The following WDR70 variants were observed in gnomAD, a reference collection of about 807,000 sequenced individuals.
WDR70 encodes the protein WD repeat domain 70, also known as WD repeat-containing protein 70.
In WDR70, 53 loss-of-function variants were observed where a neutral mutation model predicts 88.6. That is an observed-to-expected ratio of 0.60 (90% CI 0.48 to 0.75). The LOEUF (loss-of-function observed/expected upper bound fraction) is 0.75, where lower values mean the gene tolerates loss of function less well. WDR70 is among the 30% of genes least tolerant of loss of function. WDR70 has a pLI of 0.00. For missense variants in WDR70, 610 were observed against 823.2 expected, an observed-to-expected ratio of 0.74 and a Z score of 3.17; for synonymous variants, 280 against 270.0, an observed-to-expected ratio of 1.04 and a Z score of -0.36.
At chr5:37,475,296 C>T (rs1012744773) in intron 7 of WDR70, among the ~76,000 whole-genome samples, 9 of 151,882 alleles carry the variant, frequency 5.9e-5, no homozygotes, top group South Asian at 2.1e-4. Flanking sequence ...AGTGCAATGG[C>T]GCAATCTGGC....
intron 8 of WDR70, among the ~76,000 whole-genome samples, chr5:37,487,798 G>A (rs1739935339): frequency 6.6e-6 from 1 of 151,348 alleles, no homozygotes; most frequent in East Asian, 1.9e-4. Context: ...GCTAATTTTT[G>A]TATTTTTAGT....
chr5:37,675,009 T>C (rs1488821086), intron 10 of WDR70, among the ~76,000 whole-genome samples: 1 of 151,442 alleles, frequency 6.6e-6, no homozygotes, highest in Non-Finnish European at 1.5e-5. Flanking sequence ...TTTCATGTGT[T>C]TTTTGGCTGC....
intron 9 of WDR70, among the ~76,000 whole-genome samples, chr5:37,582,300 T>G (rs2112428146): frequency 6.6e-6 from 1 of 152,308 alleles, no homozygotes; most frequent in South Asian, 2.1e-4. Context: ...AGCAAGCCTT[T>G]TAATATTTCA....
At chr5:37,502,320 G>T (rs751941812) in intron 8 of WDR70, among the ~76,000 whole-genome samples, 4 of 152,114 alleles carry the variant, frequency 2.6e-5, no homozygotes, top group Non-Finnish European at 5.9e-5. Context: ...ATGATGAATA[G>T]AAGTGTGGTA....
At chr5:37,443,134 A>G in intron 6 of WDR70, 105 bp from the exon 7 acceptor site, 1 of 1,280,066 alleles carries the variant, frequency 7.8e-7, no homozygotes, top group South Asian at 1.6e-5. Flanking sequence ...TTGTACTTCC[A>G]AGTCCTATAA....
chr5:37,435,174 G>A (rs1278716121), intron 5 of WDR70, among the ~76,000 whole-genome samples: 1 of 152,098 alleles, frequency 6.6e-6, no homozygotes, highest in Non-Finnish European at 1.5e-5. Context: ...GTTAGAAATT[G>A]TCTATATATA....
intron 10 of WDR70, among the ~76,000 whole-genome samples, chr5:37,664,271 C>G (rs540377244): frequency 6.6e-6 from 1 of 152,166 alleles, no homozygotes; most frequent in East Asian, 1.9e-4. Flanking sequence ...TTCAAAAAAT[C>G]AACATTACCC....
At chr5:37,661,033 A>T (rs1381356651) in intron 10 of WDR70, among the ~76,000 whole-genome samples, 1 of 152,240 alleles carries the variant, frequency 6.6e-6, no homozygotes. Context: ...ACCATTTTAT[A>T]TATGGGACTT....
At chr5:37,582,057 A>T (rs1743234255) in intron 9 of WDR70, among the ~76,000 whole-genome samples, 1 of 152,052 alleles carries the variant, frequency 6.6e-6, no homozygotes, top group African/African-American at 2.4e-5. Context: ...GATGTTTGAC[A>T]TTTGATGGTC....
chr5:37,489,554 A>G (rs1359193530), intron 8 of WDR70, among the ~76,000 whole-genome samples: 3 of 151,926 alleles, frequency 2.0e-5, no homozygotes, highest in African/African-American at 7.3e-5. Context: ...AGATATAAGC[A>G]GTGGTAGACT....
intron 9 of WDR70, among the ~76,000 whole-genome samples, chr5:37,570,244 A>G (rs761782345): frequency 1.3e-5 from 2 of 152,154 alleles, no homozygotes; most frequent in Non-Finnish European, 2.9e-5. Flanking sequence ...TAGAGGAATC[A>G]AGGATGGTGT....
chr5:37,700,805 C>T lies in WDR70; in HGVS notation c.1193-253C>T, dbSNP rs1325344480. Among the ~76,000 whole-genome samples the T allele has an allele frequency of 2.0e-5, 3 of 152,148 alleles. No homozygotes were observed. In the East Asian group the frequency reaches 5.8e-4, roughly 29 times the overall value. On this transcript the variant is annotated intron_variant, in intron 11 of 17. Transcript: ENST00000265107. ...TATCTGGAAAGTAATTTCCAGAAGCCCAATTCATTATCAAATAGCTTTCAA... is the reference window on the plus strand; with the variant it reads ...TATCTGGAAAGTAATTTCCAGAAGCTCAATTCATTATCAAATAGCTTTCAA...
At chr5:37,729,103 A>G (rs1748067293) in intron 17 of WDR70, among the ~76,000 whole-genome samples, 2 of 152,138 alleles carry the variant, frequency 1.3e-5, no homozygotes, top group South Asian at 4.1e-4. Flanking sequence ...GGCTCCTGGC[A>G]TCTTTCTCAA....
rs70978807 is a variant in WDR70 at position 37,384,660 on chromosome 5, C to CAAA, written c.175+3000_175+3002dup. Among the ~76,000 whole-genome samples, 261 of 59,338 alleles carry CAAA rather than the reference C, an allele frequency of 4.4e-3. 11 individuals carry two copies. The highest frequency in any genetic ancestry group is 6.0e-3 in the East Asian group (10 of 1,662). 38.9% of individuals were successfully genotyped at this position (59,338 alleles called of 152,430 possible). ...GGGCGACAGAGTGAGACTCTTGTCT[C>CAAA]AAAAAAAAAAAAAAAAAAAAAAAAA... On this transcript the variant is annotated intron_variant, in intron 3 of 17. Transcript: ENST00000265107.
intron 4 of WDR70, among the ~76,000 whole-genome samples, chr5:37,393,774 A>G: frequency 6.6e-6 from 1 of 151,974 alleles, no homozygotes; most frequent in East Asian, 1.9e-4. Context: ...TTCGCCTCCC[A>G]GACTCAAGTG....
chr5:37,644,335 C>G (rs966338092), intron 10 of WDR70, among the ~76,000 whole-genome samples: 7 of 152,076 alleles, frequency 4.6e-5, no homozygotes, highest in Non-Finnish European at 8.8e-5. Flanking sequence ...ATAAATCCCA[C>G]TTGGTCTTGA....
chr5:37,443,395 T>C, intron 7 of WDR70, 23 bp downstream of exon 7: 3 of 1,612,426 alleles, frequency 1.9e-6, no homozygotes, highest in Non-Finnish European at 2.5e-6. Flanking sequence ...TTACTTAATA[T>C]CTTCATATTT....
chr5:37,650,105 A>G (rs1047943784), intron 10 of WDR70, among the ~76,000 whole-genome samples: 2 of 149,818 alleles, frequency 1.3e-5, no homozygotes, highest in Non-Finnish European at 3.0e-5. Context: ...AGTTACTGAA[A>G]GAAAGTATTG....
chr5:37,610,030 C>G (rs1164912022), intron 10 of WDR70, among the ~76,000 whole-genome samples: 3 of 152,158 alleles, frequency 2.0e-5, no homozygotes, highest in Non-Finnish European at 4.4e-5. Flanking sequence ...GTGGCCCATG[C>G]CTGCAATCCC....
Sources: gnomAD v4.1 joint callset for allele counts (sites outside exome capture counted in the v4.1 genomes callset) on GRCh38, gnomAD v4.1.1 for gene constraint, MANE v1.5 for transcripts, NCBI Gene and HGNC (gene_info 2026-07-23, HGNC 2026-07-21) for gene names.